The following ABCA13 variants were observed in gnomAD, a reference collection of about 807,000 sequenced individuals.
ABCA13 encodes the protein ATP binding cassette subfamily A member 13.
In ABCA13, 476 loss-of-function variants were observed where a neutral mutation model predicts 478.7. The ratio of observed to expected loss-of-function variants is 0.99; its 90% CI spans 0.92 to 1.07. The LOEUF (loss-of-function observed/expected upper bound fraction) is 1.07, where lower values mean the gene tolerates loss of function less well. ABCA13 is among the 50% of genes least tolerant of loss of function. The probability of loss-of-function intolerance (pLI) is 0.00; values close to 1 mark genes in which losing one functional copy is unlikely to be tolerated. For synonymous variants in ABCA13, 2,252 were observed against 2,158.9 expected, an observed-to-expected ratio of 1.04 and a Z score of -1.20; for missense variants, 6,060 against 5,910.6, an observed-to-expected ratio of 1.03 and a Z score of -0.83.
chr7:48,583,802 G>T (rs906663384), intron 56 of ABCA13, among the ~76,000 whole-genome samples: 6 of 152,182 alleles, frequency 3.9e-5, no homozygotes, highest in Non-Finnish European at 7.3e-5. Flanking sequence ...TGACAGTATT[G>T]CTGAGTGCAG....
chr7:48,231,769 C>T (rs992675602), intron 7 of ABCA13, among the ~76,000 whole-genome samples: 1 of 152,136 alleles, frequency 6.6e-6, no homozygotes, highest in Non-Finnish European at 1.5e-5. Flanking sequence ...TCAAGCAATT[C>T]TCCTGCCTCA....
Position 48,272,628 on chromosome 7 carries a change from C to T in ABCA13, c.2962C>T (p.Leu988Phe). 5.0e-6 allele frequency: 8 copies of T among 1,613,090 alleles called. No homozygotes were observed. The highest frequency in any genetic ancestry group is 6.8e-6 in the Non-Finnish European group (8 of 1,179,426). The change falls in exon 17 of 62, where the codon CTT (leucine) becomes TTT (phenylalanine). Residue 988 changes from leucine to phenylalanine, a missense_variant. Leu to Phe is a conservative substitution (Grantham distance 22). Transcript: ENST00000435803. ...IQSRGSSLTF[L>F]TQISKHILDI... is the part of the protein sequence containing the mutation. Reference sequence around the variant, plus strand: ...GAGTAGAGGCTCTTCGTTGACTTTCCTTACACAAATCTCAAAACACATTTT... The same window carrying T: ...GAGTAGAGGCTCTTCGTTGACTTTCTTTACACAAATCTCAAAACACATTTT...
intron 50 of ABCA13, 32 bp from the exon 51 acceptor site, chr7:48,511,052 C>T (rs2130903070): frequency 6.6e-7 from 1 of 1,525,652 alleles, no homozygotes; most frequent in South Asian, 1.1e-5. Flanking sequence ...TCTGATGTAA[C>T]AGCTCTCCCT....
chr7:48,383,614 C>T (rs536757646), intron 35 of ABCA13, among the ~76,000 whole-genome samples: 1 of 152,166 alleles, frequency 6.6e-6, no homozygotes, highest in Non-Finnish European at 1.5e-5. Flanking sequence ...ATATTCTTTT[C>T]TCCCCTATGG....
Position 48,239,297 on chromosome 7 carries a change from A to C in ABCA13, c.954A>C (p.Ser318=). ...KMVCSVLSST[S]EDEAEKWGHV... is the part of the protein sequence containing the mutation. The stretch of plus-strand genomic sequence containing the variant: ...TGTGTTCAGTCTTGTCTAGCACATC[A>C]GAGGATGAAGCTGAGAAATGGGGCC... Residue 318 remains serine (S), a synonymous_variant, in exon 9 of 62, where the codon TCA becomes TCC. Coordinates refer to ENST00000435803, the MANE Select transcript of ABCA13 (RefSeq NM_152701.5). 1 of 1,613,998 alleles carries C rather than the reference A, an allele frequency of 6.2e-7. No homozygotes were observed. Among genetic ancestry groups the C allele is most frequent in the East Asian group, 2.2e-5 (1 of 44,890 alleles).
At chr7:48,292,623 C>G (rs1453354605) in intron 20 of ABCA13, among the ~76,000 whole-genome samples, 1 of 152,246 alleles carries the variant, frequency 6.6e-6, no homozygotes, top group Non-Finnish European at 1.5e-5. Flanking sequence ...CTCCACCTCG[C>G]TGGCTCCTTT....
intron 3 of ABCA13, among the ~76,000 whole-genome samples, chr7:48,201,372 G>C (rs367610248): frequency 6.6e-6 from 1 of 152,150 alleles, no homozygotes; most frequent in Admixed American, 6.5e-5. Context: ...GAGCTGTTAC[G>C]CTCTCGGGCA....
At chr7:48,456,951 G>A (rs1036825875) in intron 43 of ABCA13, among the ~76,000 whole-genome samples, 36 of 151,958 alleles carry the variant, frequency 2.4e-4, no homozygotes, top group African/African-American at 8.2e-4. Context: ...GGTAGATAGT[G>A]CCAAATTACC....
At chr7:48,472,060 G>A (rs1444321543) in intron 45 of ABCA13, among the ~76,000 whole-genome samples, 1 of 152,086 alleles carries the variant, frequency 6.6e-6, no homozygotes, top group Admixed American at 6.6e-5. Flanking sequence ...CCACTATTGA[G>A]GTGAGAGACA....
At chr7:48,343,213 T>C (rs1175976320) in intron 29 of ABCA13, among the ~76,000 whole-genome samples, 1 of 152,170 alleles carries the variant, frequency 6.6e-6, no homozygotes, top group Non-Finnish European at 1.5e-5. Flanking sequence ...AGTCTCCTGA[T>C]AGTGCTATAT....
chr7:48,249,224 A>C lies in ABCA13; in HGVS notation c.1878A>C (p.Thr626=). Residue 626 remains threonine (T), a synonymous_variant, in exon 15 of 62, where the codon ACA becomes ACC. Coordinates refer to ENST00000435803, the MANE Select transcript of ABCA13 (RefSeq NM_152701.5). The part of the protein sequence containing the change: ...HQLVSTVIFH[T]LEKTQFFLEQ... ...TTTTTGATTGCAGGATATTTCATAC[A>C]CTTGAAAAAACACAATTTTTCCTGG... is the stretch of plus-strand genomic sequence containing the variant. The C allele has an allele frequency of 1.9e-6, 3 of 1,611,122 alleles. No individual in the cohort carries two copies. Among genetic ancestry groups the C allele is most frequent in the Non-Finnish European group, 2.5e-6 (3 of 1,178,234 alleles).
At chr7:48,381,092 T>A (rs1361214128) in intron 35 of ABCA13, among the ~76,000 whole-genome samples, 1 of 152,174 alleles carries the variant, frequency 6.6e-6, no homozygotes, top group African/African-American at 2.4e-5. Flanking sequence ...CCCTCCCTAC[T>A]TCCCCTGTCT....
chr7:48,387,309 A>G (rs1230308187), intron 35 of ABCA13, among the ~76,000 whole-genome samples: 2 of 152,104 alleles, frequency 1.3e-5, no homozygotes, highest in South Asian at 2.1e-4. Flanking sequence ...ATGAATTTGG[A>G]GAATACTTTT....
At chr7:48,581,085 T>A (rs182776210) in intron 56 of ABCA13, among the ~76,000 whole-genome samples, 1 of 152,278 alleles carries the variant, frequency 6.6e-6, no homozygotes, top group East Asian at 1.9e-4. Flanking sequence ...TTAAGCACAT[T>A]TTTACCTTTT....
At chr7:48,230,955 T>G (rs1788977904) in intron 7 of ABCA13, among the ~76,000 whole-genome samples, 1 of 152,040 alleles carries the variant, frequency 6.6e-6, no homozygotes, top group African/African-American at 2.4e-5. Context: ...AGTTCTTTAA[T>G]GAGAATGCAT....
chr7:48,287,817 A>G (rs1385001988), intron 19 of ABCA13, 143 bp from the exon 20 acceptor site: 3 of 661,150 alleles, frequency 4.5e-6, no homozygotes, highest in Admixed American at 2.7e-5. Context: ...CTTTACCCTC[A>G]TCATCTGAAT....
At chr7:48,619,052 G>A (rs1043148906) in intron 59 of ABCA13, among the ~76,000 whole-genome samples, 53 of 152,320 alleles carry the variant, frequency 3.5e-4, no homozygotes, top group Admixed American at 3.1e-3. Flanking sequence ...CCTGCCTGGA[G>A]GAAGCCAGGC....
Position 48,297,250 on chromosome 7 carries a change from G to A in ABCA13, c.9138G>A (p.Glu3046=), listed in dbSNP as rs1208467643. 5.0e-6 allele frequency: 8 copies of A among 1,607,026 alleles called. No homozygotes were observed. The highest frequency in any genetic ancestry group is 1.6e-4 in the Middle Eastern group (1 of 6,074). ...QHLYMLAKSL[E]ETWSSGNPIM... is the part of the protein sequence containing the mutation. The stretch of plus-strand genomic sequence containing the variant: ...ATTTTAGGTTGGCCAAAAGCCTCGA[G>A]GAAACTTGGTCATCAGGGAATCCCA... Residue 3046 remains glutamate, a synonymous_variant, in exon 22 of 62, where the codon GAG becomes GAA. Transcript: ENST00000435803.
chr7:48,278,697 T>G lies in ABCA13; in HGVS notation c.7503T>G (p.Thr2501=). 6.2e-7 allele frequency: 1 copy of G among 1,613,906 alleles called. No homozygotes were observed. Among genetic ancestry groups the G allele is most frequent in the Non-Finnish European group, 8.5e-7 (1 of 1,179,770 alleles). Residue 2501 remains threonine, a synonymous_variant, in exon 18 of 62, where the codon ACT becomes ACG. Transcript: ENST00000435803. Reference sequence around the variant, plus strand: ...AACCCCTCTTAGAAATGTCTGGGACTCTGGTCATGCTGTTGAATGACAGTG... The same window carrying G: ...AACCCCTCTTAGAAATGTCTGGGACGCTGGTCATGCTGTTGAATGACAGTG... The part of the protein sequence containing the change: ...VLKPLLEMSG[T]LVMLLNDSAD...
Sources: gnomAD v4.1 joint callset for allele counts (sites outside exome capture counted in the v4.1 genomes callset) on GRCh38, gnomAD v4.1.1 for gene constraint, MANE v1.5 for transcripts, NCBI Gene and HGNC (gene_info 2026-07-23, HGNC 2026-07-21) for gene names.